CADM2: variants seen among roughly 807,000 people sequenced by gnomAD.
CADM2 encodes cell adhesion molecule 2, also known as immunoglobulin superfamily member 4D.
A neutral mutation model predicts 49.8 loss-of-function variants in CADM2; 12 were observed. The observed-to-expected ratio is 0.24, with a 90% CI of 0.15 to 0.39. The LOEUF (loss-of-function observed/expected upper bound fraction) is 0.39. Ranked by LOEUF, CADM2 falls within the 10% of genes least tolerant of loss-of-function variation. The probability of loss-of-function intolerance (pLI) is 1.00; values close to 1 mark genes in which losing one functional copy is unlikely to be tolerated. For synonymous variants in CADM2, 214 were observed against 175.4 expected (o/e 1.22, Z -1.74); for missense variants, 378 against 492.3 (o/e 0.77, Z 2.20).
intron 3 of CADM2, among the ~76,000 whole-genome samples, chr3:85,852,814 T>C (rs1469798608): frequency 2.6e-5 from 4 of 152,096 alleles, no homozygotes; most frequent in Non-Finnish European, 5.9e-5. Context: ...TGCTTACAGA[T>C]GATTTACTCT....
chr3:84,990,200 C>T (rs1022483507), intron 1 of CADM2, among the ~76,000 whole-genome samples: 1 of 151,484 alleles, frequency 6.6e-6, no homozygotes. Context: ...TCCTTAAAGA[C>T]TAAGCGTATT....
chr3:85,376,684 T>A (rs1257668029), intron 1 of CADM2, among the ~76,000 whole-genome samples: 1 of 152,060 alleles, frequency 6.6e-6, no homozygotes, highest in Non-Finnish European at 1.5e-5. Flanking sequence ...ATCCTGATAA[T>A]ATTTTTAAAG....
intron 1 of CADM2, among the ~76,000 whole-genome samples, chr3:85,619,354 G>GAA (rs201351464): frequency 7.0e-6 from 1 of 142,266 alleles, no homozygotes; most frequent in Non-Finnish European, 1.5e-5. Flanking sequence ...CTTTCAAAAA[G>GAA]AAAAAAAAAG....
chr3:85,161,713 G>A (rs2040329840), intron 1 of CADM2, among the ~76,000 whole-genome samples: 1 of 152,076 alleles, frequency 6.6e-6, no homozygotes, highest in Non-Finnish European at 1.5e-5. Context: ...AGAATGTTGA[G>A]TAAAATACAA....
intron 3 of CADM2, among the ~76,000 whole-genome samples, chr3:85,859,555 G>A (rs2075446172): frequency 2.0e-5 from 3 of 152,016 alleles, no homozygotes; most frequent in Admixed American, 1.3e-4. Flanking sequence ...TCTAAGTGAT[G>A]TAATCATTTT....
chr3:85,839,755 A>T (rs760309369), intron 3 of CADM2, among the ~76,000 whole-genome samples: 6 of 151,924 alleles, frequency 3.9e-5, no homozygotes, highest in African/African-American at 7.2e-5. Flanking sequence ...TATATTACTT[A>T]TTCAGGCAAA....
At chr3:85,161,281 T>A (rs907001332) in intron 1 of CADM2, among the ~76,000 whole-genome samples, 2 of 151,970 alleles carry the variant, frequency 1.3e-5, no homozygotes, top group African/African-American at 2.4e-5. Flanking sequence ...AGTGGAAAAA[T>A]TTGGTGGGTG....
intron 1 of CADM2, among the ~76,000 whole-genome samples, chr3:85,237,718 G>C (rs1332563990): frequency 6.6e-6 from 1 of 151,522 alleles, no homozygotes; most frequent in Admixed American, 6.6e-5. Flanking sequence ...AAAATATAAA[G>C]TTGTCTTCAA....
chr3:85,820,062 G>T (rs1330441128), intron 3 of CADM2, among the ~76,000 whole-genome samples: 3 of 152,002 alleles, frequency 2.0e-5, no homozygotes, highest in Non-Finnish European at 4.4e-5. Flanking sequence ...CCTTTAGAAG[G>T]ATAGTGAGCC....
At chr3:85,057,527 C>T (rs2036129889) in intron 1 of CADM2, among the ~76,000 whole-genome samples, 1 of 152,030 alleles carries the variant, frequency 6.6e-6, no homozygotes, top group South Asian at 2.1e-4. Flanking sequence ...ATGTTAGTTA[C>T]TATTTAAATA....
intron 1 of CADM2, among the ~76,000 whole-genome samples, chr3:85,231,702 CCTTT>C (rs2042292904): frequency 6.8e-6 from 1 of 147,770 alleles, no homozygotes; most frequent in African/African-American, 2.6e-5. Context: ...TATTAAGTTT[CCTTT>C]CTTTTTTTTT....
chr3:85,972,517 G>C (rs570588097), intron 8 of CADM2, among the ~76,000 whole-genome samples: 1 of 151,812 alleles, frequency 6.6e-6, no homozygotes, highest in East Asian at 2.0e-4. Context: ...AGACTAAATG[G>C]TAACAATTTT....
intron 1 of CADM2, among the ~76,000 whole-genome samples, chr3:85,007,327 A>G (rs1384705487): frequency 1.3e-5 from 2 of 152,124 alleles, no homozygotes; most frequent in Non-Finnish European, 2.9e-5. Context: ...AATATTTCAA[A>G]ATTGTGAAAC....
intron 1 of CADM2, among the ~76,000 whole-genome samples, chr3:85,150,922 T>A (rs191114359): frequency 1.5e-5 from 2 of 137,126 alleles, no homozygotes; most frequent in East Asian, 4.0e-4. Context: ...AAAATAAAAA[T>A]AAATAATAAT....
intron 1 of CADM2, among the ~76,000 whole-genome samples, chr3:85,030,877 T>G (rs2107323363): frequency 6.6e-6 from 1 of 152,300 alleles, no homozygotes. Context: ...CAGTCATGGT[T>G]GCAGCAGAAA....
intron 2 of CADM2, among the ~76,000 whole-genome samples, chr3:85,796,469 G>A (rs1471534342): frequency 2.0e-5 from 3 of 152,046 alleles, no homozygotes; most frequent in Admixed American, 2.0e-4. Flanking sequence ...CAACTATCCA[G>A]GAATTTATTC....
At chr3:85,895,870 T>C (rs1224312631) in intron 5 of CADM2, among the ~76,000 whole-genome samples, 1 of 152,184 alleles carries the variant, frequency 6.6e-6, no homozygotes, top group Non-Finnish European at 1.5e-5. Flanking sequence ...TTTTGCTTTC[T>C]GTGAGGCCTC....
At chr3:85,505,170 G>C (rs1262189328) in intron 1 of CADM2, among the ~76,000 whole-genome samples, 4 of 152,252 alleles carry the variant, frequency 2.6e-5, no homozygotes, top group African/African-American at 9.6e-5. Flanking sequence ...GCCAAAGTGG[G>C]AGCCCAGGCA....
intron 1 of CADM2, among the ~76,000 whole-genome samples, chr3:85,188,570 T>C (rs1353591311): frequency 6.6e-6 from 1 of 152,176 alleles, no homozygotes; most frequent in East Asian, 1.9e-4. Context: ...ATATATAGAA[T>C]TCAAGTTGTT....
Sources: gnomAD v4.1 joint callset for allele counts (sites outside exome capture counted in the v4.1 genomes callset) on GRCh38, gnomAD v4.1.1 for gene constraint, MANE v1.5 for transcripts, NCBI Gene and HGNC (gene_info 2026-07-23, HGNC 2026-07-21) for gene names.